The following ADARB2 variants were observed in gnomAD, a reference collection of about 807,000 sequenced individuals.
ADARB2 encodes the protein inactive double-stranded RNA-specific editase B2.
In ADARB2, 25 loss-of-function variants were observed where a neutral mutation model predicts 62.2. That is an observed-to-expected ratio of 0.40 (90% confidence interval 0.29 to 0.56). The LOEUF (loss-of-function observed/expected upper bound fraction) is 0.56. Among genes scored for constraint, ADARB2 ranks in the 20% least tolerant of loss-of-function variants. The pLI is 0.43. For synonymous variants in ADARB2, 572 were observed against 500.8 expected, an observed-to-expected ratio of 1.14 and a Z score of -1.90; for missense variants, 1,071 against 1,077.4, an observed-to-expected ratio of 0.99 and a Z score of 0.08.
chr10:1,271,635 C>G (rs1018059088), intron 3 of ADARB2, among the ~76,000 whole-genome samples: 1 of 151,828 alleles, frequency 6.6e-6, no homozygotes, highest in African/African-American at 2.4e-5. Context: ...CACACATGCA[C>G]ACACACAGAC....
At chr10:1,496,107 CCAT>C (rs1032605737) in intron 1 of ADARB2, among the ~76,000 whole-genome samples, 2 of 150,630 alleles carry the variant, frequency 1.3e-5, no homozygotes, top group Non-Finnish European at 3.0e-5. Flanking sequence ...ATCGTCATCA[CCAT>C]CATCATCATT....
intron 6 of ADARB2, among the ~76,000 whole-genome samples, chr10:1,220,033 A>G (rs1160956701): frequency 2.5e-5 from 3 of 119,710 alleles, no homozygotes; most frequent in African/African-American, 6.6e-5. Flanking sequence ...GATGGTGGTG[A>G]TGATGGTAAT....
At chr10:1,546,535 A>C (rs10794756) in intron 1 of ADARB2, among the ~76,000 whole-genome samples, 78,150 of 152,050 alleles carry the variant, frequency 0.51, 21,622 homozygotes, top group East Asian at 0.76. Context: ...TGGCTCTCCA[A>C]TCACAACACT....
In ADARB2 at chr10:1,396,567, G is replaced by T. The variant is rs188225904; in HGVS notation, c.101-17407C>A. ...AGTGTCCCTGTGACGCCTACTAACC[G>T]CCCGCCTCTCCCCTCCCGAGTGCAG... On this transcript the variant is annotated intron_variant, in intron 1 of 9. Coordinates refer to ENST00000381312, the MANE Select transcript of ADARB2 (RefSeq NM_018702.4). Among the ~76,000 whole-genome samples, 260 of 151,952 alleles carry T rather than the reference G, an allele frequency of 1.7e-3. 1 individual carries two copies. The highest frequency in any genetic ancestry group is 6.0e-3 in the African/African-American group (250 of 41,440).
At chr10:1,235,089 C>G (rs766767516) in intron 5 of ADARB2, among the ~76,000 whole-genome samples, 7 of 152,038 alleles carry the variant, frequency 4.6e-5, no homozygotes, top group Non-Finnish European at 7.4e-5. Flanking sequence ...CACTGCTGTT[C>G]GCCCACATCT....
In ADARB2 at chr10:1,348,065, C is replaced by T. The variant is rs375204270; in HGVS notation, c.1077+14963G>A. On this transcript the variant is annotated intron_variant, in intron 3 of 9. Transcript: ENST00000381312. Reference sequence around the variant, plus strand: ...ACAGAAGAGGGAGACAGAGACAGAGCGAAACAGAGACAGTGGGAATGTGAA... The same window carrying T: ...ACAGAAGAGGGAGACAGAGACAGAGTGAAACAGAGACAGTGGGAATGTGAA... Among the ~76,000 whole-genome samples the T allele has an allele frequency of 4.6e-5, 7 of 151,718 alleles. No individual in the cohort carries two copies. In the South Asian group the frequency reaches 6.3e-4, roughly 14 times the overall value.
At chr10:1,686,418 G>T (rs1442572167) in intron 1 of ADARB2, among the ~76,000 whole-genome samples, 1 of 152,230 alleles carries the variant, frequency 6.6e-6, no homozygotes, top group Non-Finnish European at 1.5e-5. Flanking sequence ...AACTACAGCT[G>T]CCGCAAGCTC....
chr10:1,657,949 G>GTCTC (rs1167862460), intron 1 of ADARB2, among the ~76,000 whole-genome samples: 1 of 79,676 alleles, frequency 1.3e-5, no homozygotes, highest in Admixed American at 1.4e-4. Context: ...CTGATTCTCT[G>GTCTC]TCTGTGTCTG....
In ADARB2 at chr10:1,247,083, C is replaced by G. The variant is rs1024182702; in HGVS notation, c.1193-4784G>C. Among the ~76,000 whole-genome samples the G allele has an allele frequency of 3.0e-3, 455 of 152,196 alleles. 2 individuals carry two copies. Among genetic ancestry groups the G allele is most frequent in the Non-Finnish European group, 3.9e-3 (268 of 68,010 alleles). On this transcript the variant is annotated intron_variant, in intron 4 of 9. Transcript: ENST00000381312. ...AAGTTGGATTCCTAGGTATTTTATT[C>G]TCTTTGAAGCAATTGTGAAAGGGAG... is the stretch of plus-strand genomic sequence containing the variant.
chr10:1,282,153 GTTGTGTTGGGGT>G (rs1831376525), intron 3 of ADARB2, among the ~76,000 whole-genome samples: 1 of 152,164 alleles, frequency 6.6e-6, no homozygotes, highest in Non-Finnish European at 1.5e-5. Flanking sequence ...GTTAGAATGG[GTTGTGTTGGGGT>G]CCCATTTACT....
At chr10:1,620,819 A>C (rs1833695824) in intron 1 of ADARB2, among the ~76,000 whole-genome samples, 1 of 152,234 alleles carries the variant, frequency 6.6e-6, no homozygotes, top group Non-Finnish European at 1.5e-5. Flanking sequence ...TGTAAAAATC[A>C]CCTAGTGTAA....
chr10:1,719,852 A>C (rs1564204001), intron 1 of ADARB2, among the ~76,000 whole-genome samples: 1 of 152,366 alleles, frequency 6.6e-6, no homozygotes, highest in Middle Eastern at 3.4e-3. Context: ...ATACCATCTC[A>C]TACCAGTCAG....
At chr10:1,665,553 T>A (rs1834305970) in intron 1 of ADARB2, among the ~76,000 whole-genome samples, 1 of 152,194 alleles carries the variant, frequency 6.6e-6, no homozygotes, top group Non-Finnish European at 1.5e-5. Flanking sequence ...GCATAGACAG[T>A]GCTAGGCCCT....
At position 1,271,031 on chromosome 10, in the gene ADARB2, C is replaced by G. The variant is rs775082451; in HGVS notation, c.1116G>C (p.Lys372Asn). The G allele has an allele frequency of 8.1e-6, 13 of 1,613,974 alleles. No homozygotes were observed. The highest frequency in any genetic ancestry group is 1.3e-5 in the African/African-American group (1 of 74,926). ...TGAGGTCCGTCGTCACCTCGCGGAA[C>G]TTCTGTGTGACCAGCTGGGATATGG... ...ADSISQLVTQ[K>N]FREVTTDLTP... The change falls in exon 4 of 10, where the codon AAG (lysine) becomes AAC (asparagine). Residue 372 changes from lysine (K) to asparagine (N), a missense_variant. Physicochemically the swap from Lys to Asn is moderately conservative, Grantham distance 94 (BLOSUM62 0). Coordinates refer to ENST00000381312, the MANE Select transcript of ADARB2 (RefSeq NM_018702.4).
intron 1 of ADARB2, among the ~76,000 whole-genome samples, chr10:1,611,449 C>T (rs917711479): frequency 5.3e-5 from 8 of 152,206 alleles, no homozygotes; most frequent in Non-Finnish European, 1.2e-4. Flanking sequence ...GAAATTCTCT[C>T]TCCAATAATT....
chr10:1,525,108 C>T (rs1832123971), intron 1 of ADARB2, among the ~76,000 whole-genome samples: 2 of 152,096 alleles, frequency 1.3e-5, no homozygotes, highest in African/African-American at 4.8e-5. Context: ...AGTTTCATGC[C>T]AGGAAACCAC....
chr10:1,618,630 C>T (rs1027642716), intron 1 of ADARB2, among the ~76,000 whole-genome samples: 1 of 152,052 alleles, frequency 6.6e-6, no homozygotes, highest in Non-Finnish European at 1.5e-5. Context: ...CTGCAACCTC[C>T]ATCCCTGGGG....
intron 1 of ADARB2, among the ~76,000 whole-genome samples, chr10:1,722,803 A>G (rs1835109014): frequency 6.6e-6 from 1 of 152,220 alleles, no homozygotes; most frequent in African/African-American, 2.4e-5. Context: ...ACGTTTGCCT[A>G]TCTGAATCTA....
At chr10:1,365,502 C>T (rs913864552) in intron 2 of ADARB2, among the ~76,000 whole-genome samples, 1 of 152,184 alleles carries the variant, frequency 6.6e-6, no homozygotes, top group East Asian at 1.9e-4. Context: ...AGGGAGAAGG[C>T]ATGATGATGG....
Sources: allele counts gnomAD v4.1 joint callset (sites outside exome capture counted in the v4.1 genomes callset), GRCh38; gene constraint gnomAD v4.1.1; transcripts MANE v1.5; gene names NCBI Gene and HGNC (gene_info 2026-07-23, HGNC 2026-07-21).